The following ZFX variants were observed in gnomAD, a reference collection of about 807,000 sequenced individuals.
ZFX encodes zinc finger X-chromosomal protein.
For synonymous variants in ZFX, 196 were observed against 226.8 expected (o/e 0.86, Z 1.22); for missense variants, 362 against 628.3 (o/e 0.58, Z 4.53).
At chrX:24,197,236 G>C (rs1220259567) in intron 5 of ZFX, among the ~76,000 whole-genome samples, 1 of 111,751 alleles carries the variant, frequency 8.9e-6, no homozygotes, top group Non-Finnish European at 1.9e-5. Flanking sequence ...GTAGGAAATG[G>C]AAGTGGAAGG....
chrX:24,158,710 C>T (rs143636929), intron 3 of ZFX, among the ~76,000 whole-genome samples: 1 of 109,044 alleles, frequency 9.2e-6, no homozygotes, highest in Non-Finnish European at 1.9e-5. Flanking sequence ...GATCTCGGCT[C>T]ACTGCAACCT....
In ZFX at chrX:24,211,552, T is replaced by A; in HGVS notation, c.*176T>A. The A allele has an allele frequency of 1.9e-6, 1 of 519,215 alleles. No individual in the cohort carries two copies. The highest frequency in any genetic ancestry group is 3.0e-6 in the Non-Finnish European group (1 of 331,246). 42.8% of individuals were successfully genotyped at this position (519,215 alleles called of 1,213,427 possible). On this transcript the variant is annotated 3_prime_UTR_variant, in exon 10 of 10. Coordinates refer to ENST00000304543, the MANE Select transcript of ZFX (RefSeq NM_003410.4). Reference sequence around the variant, plus strand: ...ATACATTTTGCTCAGTAGTGTGTTCTGAATTCTATTCAGTTTGTTTAATAA... The same window carrying A: ...ATACATTTTGCTCAGTAGTGTGTTCAGAATTCTATTCAGTTTGTTTAATAA...
Position 24,182,945 on chromosome X carries a change from G to C in ZFX, c.646+3175G>C, listed in dbSNP as rs189001240. On this transcript the variant is annotated intron_variant, in intron 5 of 9. Transcript: ENST00000304543. ...GAGACAGGAAGACAGTTAAGGATGA[G>C]GCCCCTTTCCAGGGACAGAAGGTAA... is the stretch of plus-strand genomic sequence containing the variant. Among the ~76,000 whole-genome samples the C allele has an allele frequency of 1.4e-4, 16 of 111,595 alleles. 1 individual carries two copies. The highest frequency in any genetic ancestry group is 5.2e-4 in the African/African-American group (16 of 30,751).
chrX:24,151,708 C>T lies in ZFX; in HGVS notation c.-232C>T, dbSNP rs1228809786. 9.0e-6 allele frequency: 1 copy of T among 111,341 alleles called. No homozygotes were observed. Among genetic ancestry groups the T allele is most frequent in the Non-Finnish European group, 1.9e-5 (1 of 53,111 alleles). 9.2% of individuals were successfully genotyped at this position (111,341 alleles called of 1,213,427 possible). A position where few individuals can be genotyped will look rare whatever the true frequency, so the allele number is the denominator to read the frequency against. On this transcript the variant is annotated 5_prime_UTR_variant, in exon 2 of 10. Coordinates refer to ENST00000304543, the MANE Select transcript of ZFX (RefSeq NM_003410.4). ...TGAGACAGGTTCTTGCTATATTGCC[C>T]CAGGCTGGTCTCGAACTCCTGGGCT...
intron 4 of ZFX, chrX:24,177,841 TGAGGA>T (rs1935284481): frequency 1.3e-6 from 1 of 750,869 alleles, no homozygotes; most frequent in Admixed American, 8.9e-5. Context: ...AAATATGAGT[TGAGGA>T]GAGGGAGGTG....
intron 5 of ZFX, among the ~76,000 whole-genome samples, chrX:24,194,845 C>G (rs1601932518): frequency 9.4e-6 from 1 of 106,938 alleles, no homozygotes; most frequent in Non-Finnish European, 1.9e-5. Flanking sequence ...CTCCCTAGTT[C>G]AAGCAATTCT....
intron 3 of ZFX, among the ~76,000 whole-genome samples, chrX:24,159,417 T>C (rs1365846869): frequency 1.8e-5 from 2 of 112,431 alleles, no homozygotes; most frequent in Admixed American, 9.5e-5. Context: ...ATAAGATAAA[T>C]TGGGGAGTAT....
intron 5 of ZFX, among the ~76,000 whole-genome samples, chrX:24,191,638 G>A (rs1292146780): frequency 9.0e-6 from 1 of 110,502 alleles, no homozygotes; most frequent in Admixed American, 9.7e-5. Flanking sequence ...ATAGTGCCTG[G>A]GACATAATAG....
intron 3 of ZFX, among the ~76,000 whole-genome samples, chrX:24,168,670 T>C (rs1170230289): frequency 1.4e-5 from 1 of 72,348 alleles, no homozygotes; most frequent in Non-Finnish European, 2.4e-5. Context: ...TTTCTTTCTT[T>C]CTTTTTTTTT....
intron 3 of ZFX, among the ~76,000 whole-genome samples, chrX:24,168,671 CTTTTTT>C (rs141296315): frequency 1.2e-5 from 1 of 83,265 alleles, no homozygotes; most frequent in Admixed American, 1.4e-4. Flanking sequence ...TTCTTTCTTT[CTTTTTT>C]TTTTTTTTTT....
intron 5 of ZFX, among the ~76,000 whole-genome samples, chrX:24,203,053 A>C (rs1444209069): frequency 8.9e-6 from 1 of 111,945 alleles, no homozygotes; most frequent in Non-Finnish European, 1.9e-5. Flanking sequence ...TAGGACCTTA[A>C]GTTAATCAAA....
chrX:24,168,435 T>C (rs1270510756), intron 3 of ZFX, among the ~76,000 whole-genome samples: 1 of 111,936 alleles, frequency 8.9e-6, no homozygotes, highest in Non-Finnish European at 1.9e-5. Flanking sequence ...CACAGAAGTA[T>C]CTAAGCATCA....
chrX:24,157,292 G>C (rs906590465), intron 3 of ZFX, among the ~76,000 whole-genome samples: 10 of 111,903 alleles, frequency 8.9e-5, no homozygotes, highest in African/African-American at 3.2e-4. Flanking sequence ...TGATGTATAA[G>C]GATCACTGTT....
At chrX:24,206,597 G>T (rs1258534373) in intron 5 of ZFX, among the ~76,000 whole-genome samples, 1 of 101,490 alleles carries the variant, frequency 9.9e-6, no homozygotes, top group Admixed American at 1.1e-4. Context: ...ATGGTGCCCA[G>T]CCTGGTCTCA....
rs755809582 is a variant in ZFX at position 24,211,196 on chromosome X, G to C, written c.2238G>C (p.Val746=). ...KHMKTHSGRK[V]YQCEYCEYST... ...TGAAGACACACAGTGGCAGGAAAGT[G>C]TATCAGTGTGAGTACTGTGAGTATA... The change falls in exon 10 of 10, where the codon GTG becomes GTC. Residue 746 remains valine (V), a synonymous_variant. Coordinates refer to ENST00000304543, the MANE Select transcript of ZFX (RefSeq NM_003410.4). 8.3e-7 allele frequency: 1 copy of C among 1,210,919 alleles called. No individual in the cohort carries two copies. Among genetic ancestry groups the C allele is most frequent in the Non-Finnish European group, 1.1e-6 (1 of 895,499 alleles).
intron 5 of ZFX, among the ~76,000 whole-genome samples, chrX:24,182,734 G>A (rs905802958): frequency 3.0e-4 from 33 of 111,160 alleles, no homozygotes; most frequent in African/African-American, 9.5e-4. Flanking sequence ...CCTGGATGGC[G>A]AAAGTAAGTT....
chrX:24,209,709 A>G (rs1174412766), intron 9 of ZFX, among the ~76,000 whole-genome samples: 1 of 110,715 alleles, frequency 9.0e-6, no homozygotes, highest in East Asian at 2.8e-4. Context: ...CCAAGCGGCT[A>G]GGATTACAGA....
At chrX:24,155,218 A>C (rs1349845980) in intron 3 of ZFX, among the ~76,000 whole-genome samples, 1 of 112,375 alleles carries the variant, frequency 8.9e-6, no homozygotes, top group Non-Finnish European at 1.9e-5. Flanking sequence ...TAAATATCTC[A>C]GTTTTAATTT....
At chrX:24,203,652 TAGC>T (rs1172774041) in intron 5 of ZFX, among the ~76,000 whole-genome samples, 2 of 112,473 alleles carry the variant, frequency 1.8e-5, no homozygotes, top group Non-Finnish European at 3.8e-5. Flanking sequence ...GGCTTCAGCT[TAGC>T]AGTCGGCTGC....
Sources: gnomAD v4.1 joint callset for allele counts (sites outside exome capture counted in the v4.1 genomes callset) on GRCh38, gnomAD v4.1.1 for gene constraint, MANE v1.5 for transcripts, NCBI Gene and HGNC (gene_info 2026-07-23, HGNC 2026-07-21) for gene names.